The following CLASP1 variants were observed in gnomAD, a reference collection of about 807,000 sequenced individuals.
CLASP1 encodes CLIP-associating protein 1.
CLASP1 carries 38 observed loss-of-function variants against 192.3 expected under a neutral mutation model. The ratio of observed to expected loss-of-function variants is 0.20; its 90% CI spans 0.15 to 0.26. The LOEUF (loss-of-function observed/expected upper bound fraction) is 0.26. Ranked by LOEUF, CLASP1 falls within the 10% of genes least tolerant of loss-of-function variation. The pLI is 1.00. For missense variants in CLASP1, 1,433 were observed against 1,932.5 expected (o/e 0.74, Z 4.85); for synonymous variants, 691 against 712.8 (o/e 0.97, Z 0.49).
At chr2:121,549,430 G>A (rs1431323961) in intron 2 of CLASP1, among the ~76,000 whole-genome samples, 2 of 152,074 alleles carry the variant, frequency 1.3e-5, no homozygotes, top group Non-Finnish European at 2.9e-5. Context: ...AGAGCACCCA[G>A]ATTCATAAAG....
intron 1 of CLASP1, among the ~76,000 whole-genome samples, chr2:121,623,571 C>T (rs1234094350): frequency 6.6e-6 from 1 of 152,208 alleles, no homozygotes; most frequent in East Asian, 1.9e-4. Context: ...AGTAATACCT[C>T]TTCTTTATTT....
At chr2:121,510,067 G>T (rs191312497) in intron 7 of CLASP1, among the ~76,000 whole-genome samples, 1 of 152,276 alleles carries the variant, frequency 6.6e-6, no homozygotes, top group African/African-American at 2.4e-5. Context: ...AAAGCTTATG[G>T]AATACAGCTA....
chr2:121,376,641 C>A (rs150029473), intron 34 of CLASP1, among the ~76,000 whole-genome samples: 1 of 152,150 alleles, frequency 6.6e-6, no homozygotes, highest in Non-Finnish European at 1.5e-5. Context: ...AGACCATAGA[C>A]TGGTATTGGT....
chr2:121,397,045 T>C, intron 30 of CLASP1, 95 bp downstream of exon 31: 1 of 1,213,590 alleles, frequency 8.2e-7, no homozygotes, highest in South Asian at 1.3e-5. Context: ...TATAGGTTTG[T>C]GGGTGGGTGG....
At chr2:121,516,638 T>C (rs562124185) in intron 6 of CLASP1, among the ~76,000 whole-genome samples, 13 of 152,376 alleles carry the variant, frequency 8.5e-5, no homozygotes, top group African/African-American at 2.9e-4. Flanking sequence ...ACTGTATCCA[T>C]GTTAAATTTC....
At chr2:121,471,223 A>T (rs2090660305) in intron 8 of CLASP1, among the ~76,000 whole-genome samples, 1 of 152,204 alleles carries the variant, frequency 6.6e-6, no homozygotes, top group African/African-American at 2.4e-5. Flanking sequence ...TTGAAGCTGC[A>T]GTGAGCCAGG....
intron 8 of CLASP1, among the ~76,000 whole-genome samples, chr2:121,475,529 A>C (rs1001830804): frequency 2.0e-5 from 3 of 152,184 alleles, no homozygotes; most frequent in Middle Eastern, 3.2e-3. Flanking sequence ...TCCAGGTTCT[A>C]ACGTTACAGT....
intron 19 of CLASP1, among the ~76,000 whole-genome samples, chr2:121,446,073 A>T (rs2084277147): frequency 6.6e-6 from 1 of 152,226 alleles, no homozygotes; most frequent in African/African-American, 2.4e-5. Context: ...TGCAATAGTT[A>T]AAAACGATTT....
chr2:121,373,044 G>A (rs895644032), intron 34 of CLASP1, among the ~76,000 whole-genome samples: 8 of 152,196 alleles, frequency 5.3e-5, no homozygotes, highest in Admixed American at 5.2e-4. Context: ...CATCTGATAT[G>A]GTTTGGCTCT....
intron 38 of CLASP1, among the ~76,000 whole-genome samples, chr2:121,347,605 C>T (rs1366182004): frequency 6.6e-6 from 1 of 152,222 alleles, no homozygotes; most frequent in Non-Finnish European, 1.5e-5. Context: ...AACCCCTCTA[C>T]CCTCCAGAGA....
At chr2:121,531,233 G>A (rs1418269256) in intron 2 of CLASP1, among the ~76,000 whole-genome samples, 1 of 152,090 alleles carries the variant, frequency 6.6e-6, no homozygotes, top group Non-Finnish European at 1.5e-5. Flanking sequence ...CTTATGCTGA[G>A]TCAGCCCAGT....
chr2:121,478,636 CACACACA>C (rs2091963249), intron 8 of CLASP1, among the ~76,000 whole-genome samples: 1 of 122,314 alleles, frequency 8.2e-6, no homozygotes, highest in South Asian at 2.7e-4. Flanking sequence ...CACATACACA[CACACACA>C]CCCCCCACAC....
intron 7 of CLASP1, among the ~76,000 whole-genome samples, chr2:121,505,801 C>A (rs1010236375): frequency 1.3e-5 from 2 of 151,990 alleles, no homozygotes; most frequent in African/African-American, 4.8e-5. Flanking sequence ...CTCTTCAATC[C>A]AATTAGAATT....
chr2:121,576,743 A>G (rs1193602537), intron 2 of CLASP1, among the ~76,000 whole-genome samples: 1 of 152,234 alleles, frequency 6.6e-6, no homozygotes, highest in Non-Finnish European at 1.5e-5. Context: ...ACTGGTAGAC[A>G]CTAACTCATG....
chr2:121,470,293 CTTTTTTTTTTTTTTTTTT>C, intron 8 of CLASP1: 7 of 306,454 alleles, frequency 2.3e-5, no homozygotes, highest in Admixed American at 1.0e-4. Context: ...ACCATCCATG[CTTTTTTTTTTTTTTTTTT>C]TTTTTTTTTG....
At chr2:121,637,865 G>A (rs903126129) in intron 1 of CLASP1, among the ~76,000 whole-genome samples, 6 of 150,896 alleles carry the variant, frequency 4.0e-5, no homozygotes, top group East Asian at 1.9e-4. Context: ...TAGCCTGGGC[G>A]ACAGAGTGAG....
intron 8 of CLASP1, among the ~76,000 whole-genome samples, chr2:121,480,600 A>G (rs2092513072): frequency 6.6e-6 from 1 of 152,184 alleles, no homozygotes; most frequent in African/African-American, 2.4e-5. Context: ...TTGAGGTATA[A>G]AAAGAAAATG....
At chr2:121,563,693 A>T (rs1215383912) in intron 2 of CLASP1, among the ~76,000 whole-genome samples, 2 of 152,192 alleles carry the variant, frequency 1.3e-5, no homozygotes, top group Non-Finnish European at 2.9e-5. Flanking sequence ...AGCTTCTTTT[A>T]TATTACCTCC....
intron 7 of CLASP1, among the ~76,000 whole-genome samples, chr2:121,506,402 G>A (rs896596491): frequency 6.6e-6 from 1 of 151,534 alleles, no homozygotes; most frequent in Non-Finnish European, 1.5e-5. Context: ...CTGAGGCGAT[G>A]ATCAAAACTA....
Sources: gnomAD v4.1 joint callset for allele counts (sites outside exome capture counted in the v4.1 genomes callset) on GRCh38, gnomAD v4.1.1 for gene constraint, MANE v1.5 for transcripts, NCBI Gene and HGNC (gene_info 2026-07-23, HGNC 2026-07-21) for gene names.